The following NEK4 variants were observed in gnomAD, a reference collection of about 807,000 sequenced individuals.
NEK4 encodes NIMA related kinase 4, also known as serine/threonine-protein kinase Nek4.
Under a neutral mutation model 98.4 loss-of-function variants are expected in NEK4, and 86 were observed. The ratio of observed to expected loss-of-function variants is 0.87; its 90% CI spans 0.73 to 1.05. The LOEUF (loss-of-function observed/expected upper bound fraction) is 1.05. Among genes scored for constraint, NEK4 ranks in the 50% least tolerant of loss-of-function variants. The probability of loss-of-function intolerance (pLI) is 0.00; values close to 1 mark genes in which losing one functional copy is unlikely to be tolerated. For synonymous variants in NEK4, 328 were observed against 342.2 expected (o/e 0.96, Z 0.46); for missense variants, 898 against 950.3 (o/e 0.94, Z 0.72).
Position 52,768,328 on chromosome 3 carries a change from TAC to T in NEK4, c.360+8_360+9del. 6.2e-7 allele frequency: 1 copy of T among 1,613,132 alleles called. No homozygotes were observed. Among genetic ancestry groups the T allele is most frequent in the Middle Eastern group, 1.7e-4 (1 of 6,060 alleles). Reference sequence around the variant, plus strand: ...GGAACAAGCTAGGATGCTATTAGTCTACACAGTACCTGCAAAGCCATGGCGAT... The same window carrying T: ...GGAACAAGCTAGGATGCTATTAGTCTACAGTACCTGCAAAGCCATGGCGAT... On this transcript the variant is annotated splice_region_variant and intron_variant, in intron 2 of 15. Coordinates refer to ENST00000233027, the MANE Select transcript of NEK4 (RefSeq NM_003157.6).
chr3:52,734,628 C>CT (rs2097373386), intron 15 of NEK4: 1 of 150,552 alleles, frequency 6.6e-6, no homozygotes, highest in Non-Finnish European at 1.4e-5. Context: ...GATCGCACCA[C>CT]TGCACCCCAG....
At chr3:52,769,333 G>A (rs891965713) in intron 1 of NEK4, among the ~76,000 whole-genome samples, 6 of 152,188 alleles carry the variant, frequency 3.9e-5, no homozygotes, top group East Asian at 1.9e-4. Context: ...TGTGGATTAC[G>A]TTAGATACTC....
chr3:52,750,923 T>A (rs750698981), intron 7 of NEK4, among the ~76,000 whole-genome samples: 1 of 152,132 alleles, frequency 6.6e-6, no homozygotes, highest in Non-Finnish European at 1.5e-5. Flanking sequence ...AGAGACCCTG[T>A]CTCAAAAAAT....
chr3:52,756,993 A>C (rs1254378808), intron 6 of NEK4, among the ~76,000 whole-genome samples: 3 of 152,198 alleles, frequency 2.0e-5, no homozygotes, highest in Admixed American at 2.0e-4. Flanking sequence ...TAAGCACACA[A>C]AAAATGCTCA....
At chr3:52,754,344 G>C (rs1426286034) in intron 6 of NEK4, 2 of 387,922 alleles carry the variant, frequency 5.2e-6, no homozygotes, top group Non-Finnish European at 1.0e-5. Context: ...ACCAAATTTG[G>C]CAAGTACTAA....
intron 15 of NEK4, among the ~76,000 whole-genome samples, chr3:52,726,988 T>TC (rs1290188607): frequency 3.8e-5 from 5 of 130,160 alleles, no homozygotes; most frequent in African/African-American, 1.1e-4. Flanking sequence ...TTTTTTTTTT[T>TC]CCTGAGACAG....
At chr3:52,731,875 A>C (rs766860603) in intron 15 of NEK4, among the ~76,000 whole-genome samples, 6 of 152,170 alleles carry the variant, frequency 3.9e-5, no homozygotes, top group Non-Finnish European at 7.3e-5. Flanking sequence ...GCGGGAGGTA[A>C]GTGAATCATG....
chr3:52,753,104 C>T (rs1222365157), intron 6 of NEK4, among the ~76,000 whole-genome samples: 1 of 151,494 alleles, frequency 6.6e-6, no homozygotes, highest in Non-Finnish European at 1.5e-5. Flanking sequence ...GAGTTTGAGA[C>T]CAGCCTAGGC....
chr3:52,751,921 A>T lies in NEK4; in HGVS notation c.1368+11T>A, dbSNP rs1559439833. Reference sequence around the variant, plus strand: ...TCCAAAACCAGTATCTCATGTGTGCATATCACTCACCTGGTCCTTTGGCTT... The same window carrying T: ...TCCAAAACCAGTATCTCATGTGTGCTTATCACTCACCTGGTCCTTTGGCTT... On this transcript the variant is annotated intron_variant, in intron 7 of 15. Transcript: ENST00000233027. 1 of 1,609,376 alleles carries T rather than the reference A, an allele frequency of 6.2e-7. No individual in the cohort carries two copies. Among genetic ancestry groups the T allele is most frequent in the African/African-American group, 1.3e-5 (1 of 74,834 alleles).
intron 15 of NEK4, among the ~76,000 whole-genome samples, chr3:52,720,181 G>A (rs939822788): frequency 1.5e-4 from 23 of 152,018 alleles, no homozygotes; most frequent in African/African-American, 5.6e-4. Flanking sequence ...TACTTGGGAG[G>A]CTGAAGCAGA....
intron 5 of NEK4, 96 bp downstream of exon 5, chr3:52,763,374 A>G: frequency 8.0e-7 from 1 of 1,248,554 alleles, no homozygotes; most frequent in Non-Finnish European, 1.1e-6. Flanking sequence ...TGTTTTTAAG[A>G]AAACTCACCA....
At chr3:52,763,186 T>C (rs533728468) in intron 5 of NEK4, among the ~76,000 whole-genome samples, 2 of 152,336 alleles carry the variant, frequency 1.3e-5, no homozygotes, top group African/African-American at 4.8e-5. Context: ...TTAGTAGAAG[T>C]TAGGTCTTCA....
At chr3:52,746,351 C>A in intron 9 of NEK4, 141 bp from the exon 10 acceptor site, 1 of 749,690 alleles carries the variant, frequency 1.3e-6, no homozygotes, top group Non-Finnish European at 2.1e-6. Context: ...AAGACTCTGC[C>A]AAAAGTCAGT....
At chr3:52,743,740 G>A (rs1214145514) in intron 11 of NEK4, among the ~76,000 whole-genome samples, 5 of 152,184 alleles carry the variant, frequency 3.3e-5, no homozygotes, top group Non-Finnish European at 7.3e-5. Context: ...CTGTAAATGT[G>A]AAATGAGATA....
At chr3:52,723,668 G>A (rs2097362063) in intron 15 of NEK4, among the ~76,000 whole-genome samples, 1 of 152,072 alleles carries the variant, frequency 6.6e-6, no homozygotes, top group South Asian at 2.1e-4. Context: ...CTGAAGAACA[G>A]GAAGAAAAAA....
Position 52,733,751 on chromosome 3 carries a change from A to G in NEK4, c.2433+3835T>C, listed in dbSNP as rs191426490. 14 of 442,492 alleles carry G rather than the reference A, an allele frequency of 3.2e-5. No homozygotes were observed. The East Asian group carries it at 8.4e-4, about 27-fold the overall frequency. The allele number at this position is 442,492 out of a possible 1,614,324, so 27.4% of individuals were successfully genotyped here. A position where few individuals can be genotyped will look rare whatever the true frequency, so the allele number is the denominator to read the frequency against. On this transcript the variant is annotated intron_variant, in intron 15 of 15. Coordinates refer to ENST00000233027, the MANE Select transcript of NEK4 (RefSeq NM_003157.6). ...CCTAATCAACCATCAGATAATTCAT[A>G]CTGGAGAGAGACCTTACAAGTGTAA...
intron 13 of NEK4, among the ~76,000 whole-genome samples, chr3:52,740,795 A>C (rs1331764451): frequency 6.7e-6 from 1 of 148,468 alleles, no homozygotes; most frequent in Non-Finnish European, 1.5e-5. Context: ...CTGTCTCAAA[A>C]AATAAATAAA....
chr3:52,750,744 T>C (rs919627683), intron 7 of NEK4, among the ~76,000 whole-genome samples: 4 of 151,746 alleles, frequency 2.6e-5, no homozygotes, highest in Non-Finnish European at 5.9e-5. Flanking sequence ...CTGGGCAACA[T>C]GGCCATGGCA....
Position 52,739,456 on chromosome 3 carries a change from C to T in NEK4, c.2272G>A (p.Glu758Lys). ...LHGKVAEEAE[E>K]IHFKELPSAI... is the part of the protein sequence containing the mutation. Reference sequence around the variant, plus strand: ...GAAGGTAGCTCTTTAAAATGGATTTCCTCTGCCTCTTCTGCAACCTTCCCA... The same window carrying T: ...GAAGGTAGCTCTTTAAAATGGATTTTCTCTGCCTCTTCTGCAACCTTCCCA... Residue 758 changes from glutamate (E) to lysine (K), a missense_variant, in exon 14 of 16, where the codon GAA (glutamate) becomes AAA (lysine). Transcript: ENST00000233027. 2 of 1,614,142 alleles carry T rather than the reference C, an allele frequency of 1.2e-6. No homozygotes were observed. The highest frequency in any genetic ancestry group is 8.5e-7 in the Non-Finnish European group (1 of 1,180,006).
Sources: allele counts gnomAD v4.1 joint callset (sites outside exome capture counted in the v4.1 genomes callset), GRCh38; gene constraint gnomAD v4.1.1; transcripts MANE v1.5; gene names NCBI Gene and HGNC (gene_info 2026-07-23, HGNC 2026-07-21).